Variants in PROK1 observed in about 807,000 individuals in gnomAD.
The protein encoded by PROK1 is prokineticin-1.
In PROK1, 10 loss-of-function variants were observed where a neutral mutation model predicts 8.8. That is an observed-to-expected ratio of 1.13 (90% CI 0.70 to 1.92). PROK1 has a LOEUF of 1.92. Among genes scored for constraint, PROK1 ranks in the 30% most tolerant of loss-of-function variants. PROK1 has a pLI of 0.00. For missense variants in PROK1, 140 were observed against 139.7 expected (o/e 1.00, Z -0.01); for synonymous variants, 57 against 56.0 (o/e 1.02, Z -0.08).
chr1:110,456,065 C>G (rs1664166881), intron 2 of PROK1, among the ~76,000 whole-genome samples, 167 bp from the exon 3 acceptor site: 1 of 152,200 alleles, frequency 6.6e-6, no homozygotes. Flanking sequence ...CACACCGTAC[C>G]TCGGTTTCCT....
Position 110,456,320 on chromosome 1 carries a change from G to C in PROK1, c.287G>C (p.Cys96Ser), listed in dbSNP as rs773601408. Reference sequence around the variant, plus strand: ...AGGTTCCCGGACGGCAGGTACCGCTGCTCCATGGACTTGAAGAACATCAAT... The same window carrying C: ...AGGTTCCCGGACGGCAGGTACCGCTCCTCCATGGACTTGAAGAACATCAAT... ...CSRFPDGRYR[C>S]SMDLKNINF Residue 96 changes from cysteine (C) to serine (S), a missense_variant, in exon 3 of 3, where the codon TGC becomes TCC. Transcript: ENST00000271331. The C allele has an allele frequency of 1.2e-6, 2 of 1,614,038 alleles. No homozygotes were observed. The highest frequency in any genetic ancestry group is 2.2e-5 in the South Asian group (2 of 91,080).
At chr1:110,456,150 C>T (rs1664168360) in intron 2 of PROK1, 82 bp from the exon 3 acceptor site, 1 of 1,513,622 alleles carries the variant, frequency 6.6e-7, no homozygotes, top group South Asian at 1.1e-5. Context: ...AGACTTTTGC[C>T]AGTGCTGGGC....
rs1306979754 is a variant in PROK1, at chr1:110,455,332, G to A, written c.199-900G>A. Among the ~76,000 whole-genome samples the A allele has an allele frequency of 2.6e-5, 4 of 152,268 alleles. No homozygotes were observed. The South Asian group carries it at 6.2e-4, about 24-fold the overall frequency. On this transcript the variant is annotated intron_variant, in intron 2 of 2. Coordinates refer to ENST00000271331, the MANE Select transcript of PROK1 (RefSeq NM_032414.3). ...ACTCAGGCATGTTTCCTGCTCTTCGGGGACTTGCCTGCACCCCGGCTCGGT... is the reference window on the plus strand; with the variant it reads ...ACTCAGGCATGTTTCCTGCTCTTCGAGGACTTGCCTGCACCCCGGCTCGGT...
Position 110,451,257 on chromosome 1 carries a change from T to C in PROK1, c.41T>C (p.Val14Ala). The change falls in exon 1 of 3, where the codon GTA (valine) becomes GCA (alanine). Residue 14 changes from valine to alanine, a missense_variant. Physicochemically the swap from Val to Ala is moderately conservative, Grantham distance 64 (BLOSUM62 0). Coordinates refer to ENST00000271331, the MANE Select transcript of PROK1 (RefSeq NM_032414.3). ...ATRVSIMLLL[V>A]TVSDCAVITG... ...CGAGTCTCAATCATGCTCCTCCTAG[T>C]AACTGTGTCTGACTGTGCTGTGATC... is the stretch of plus-strand genomic sequence containing the variant. The C allele has an allele frequency of 6.2e-7, 1 of 1,614,234 alleles. No individual in the cohort carries two copies. The highest frequency in any genetic ancestry group is 8.5e-7 in the Non-Finnish European group (1 of 1,180,042).
chr1:110,456,912 C>A lies in PROK1; in HGVS notation c.*561C>A. The A allele has an allele frequency of 5.5e-6, 1 of 180,926 alleles. No individual in the cohort carries two copies. Among genetic ancestry groups the A allele is most frequent in the Non-Finnish European group, 1.2e-5 (1 of 84,278 alleles). 11.2% of individuals were successfully genotyped at this position (180,926 alleles called of 1,614,324 possible). A position where few individuals can be genotyped will look rare whatever the true frequency, so the allele number is the denominator to read the frequency against. Reference sequence around the variant, plus strand: ...TTCCCAGAGGGCAGCAGACAGTCACCCCAAGGCAGGTGTAGGGAGCCCAGG... The same window carrying A: ...TTCCCAGAGGGCAGCAGACAGTCACACCAAGGCAGGTGTAGGGAGCCCAGG... On this transcript the variant is annotated 3_prime_UTR_variant, in exon 3 of 3. Transcript: ENST00000271331.
chr1:110,456,787 G>A lies in PROK1; in HGVS notation c.*436G>A. On this transcript the variant is annotated 3_prime_UTR_variant, in exon 3 of 3. Coordinates refer to ENST00000271331, the MANE Select transcript of PROK1 (RefSeq NM_032414.3). ...GTCCCAGGTCCTGGCCTGACCCTCA[G>A]GCCCTTCACGTGAGGTCTGTGAGGA... 1 of 285,130 alleles carries A rather than the reference G, an allele frequency of 3.5e-6. No individual in the cohort carries two copies. The highest frequency in any genetic ancestry group is 6.9e-6 in the Non-Finnish European group (1 of 145,032). The allele number at this position is 285,130 out of a possible 1,614,324, so 17.7% of individuals were successfully genotyped here.
intron 1 of PROK1, among the ~76,000 whole-genome samples, chr1:110,452,134 G>C (rs192422188): frequency 1.3e-5 from 2 of 152,276 alleles, no homozygotes; most frequent in Non-Finnish European, 2.9e-5. Flanking sequence ...AAAAGGTCGG[G>C]GAAGCAGGGA....
chr1:110,456,742 T>C lies in PROK1; in HGVS notation c.*391T>C. On this transcript the variant is annotated 3_prime_UTR_variant, in exon 3 of 3. Coordinates refer to ENST00000271331, the MANE Select transcript of PROK1 (RefSeq NM_032414.3). ...GAATTAGACATTCCTGGGCACAGGCTCTTGGGTGCATTGCTCAGAGTCCCA... is the reference window on the plus strand; with the variant it reads ...GAATTAGACATTCCTGGGCACAGGCCCTTGGGTGCATTGCTCAGAGTCCCA... 1 of 339,524 alleles carries C rather than the reference T, an allele frequency of 2.9e-6. No individual in the cohort carries two copies. The highest frequency in any genetic ancestry group is 2.5e-5 in the South Asian group (1 of 40,252). The allele number at this position is 339,524 out of a possible 1,614,324, so 21.0% of individuals were successfully genotyped here.
intron 2 of PROK1, among the ~76,000 whole-genome samples, chr1:110,454,699 G>A (rs942908380): frequency 3.3e-5 from 5 of 152,210 alleles, no homozygotes; most frequent in African/African-American, 7.2e-5. Flanking sequence ...CTAATTTGCT[G>A]TGTGGACTTG....
In PROK1 at chr1:110,456,653, C is replaced by T. The variant is rs1298073964; in HGVS notation, c.*302C>T. 4.8e-5 allele frequency: 20 copies of T among 419,712 alleles called. No homozygotes were observed. Among genetic ancestry groups the T allele is most frequent in the Admixed American group, 3.5e-5 (1 of 28,424 alleles). 26.0% of individuals were successfully genotyped at this position (419,712 alleles called of 1,614,324 possible). On this transcript the variant is annotated 3_prime_UTR_variant, in exon 3 of 3. Transcript: ENST00000271331. ...TGGCAGAAAGGACATTCCCCCTCCC[C>T]TCCCCAGGTGACCTGCTCTCTTTCC...
At position 110,457,198 on chromosome 1, in the gene PROK1, G is replaced by A. The variant is rs1192442470; in HGVS notation, c.*847G>A. 1 of 152,596 alleles carries A rather than the reference G, an allele frequency of 6.6e-6. No individual in the cohort carries two copies. The highest frequency in any genetic ancestry group is 1.5e-5 in the Non-Finnish European group (1 of 68,304). 9.5% of individuals were successfully genotyped at this position (152,596 alleles called of 1,614,324 possible). On this transcript the variant is annotated 3_prime_UTR_variant, in exon 3 of 3. Coordinates refer to ENST00000271331, the MANE Select transcript of PROK1 (RefSeq NM_032414.3). ...ACTCCTTTCCAAGGATCAGCCCTGA[G>A]AGCAGGTTGGTGACTTTGAGGAGGG...
intron 2 of PROK1, among the ~76,000 whole-genome samples, chr1:110,455,788 T>C (rs971273306): frequency 2.1e-4 from 32 of 152,214 alleles, no homozygotes; most frequent in African/African-American, 7.5e-4. Flanking sequence ...AACTTCTCCC[T>C]GAGGATACCC....
chr1:110,452,194 A>G (rs1303041310), intron 1 of PROK1, among the ~76,000 whole-genome samples: 1 of 152,242 alleles, frequency 6.6e-6, no homozygotes, highest in African/African-American at 2.4e-5. Context: ...GATAGTGGAA[A>G]TGTAGAGAAA....
At chr1:110,455,549 A>T (rs142841023) in intron 2 of PROK1, among the ~76,000 whole-genome samples, 4 of 152,356 alleles carry the variant, frequency 2.6e-5, no homozygotes, top group African/African-American at 9.6e-5. Flanking sequence ...GACAACAGTG[A>T]TAAAAAAACT....
intron 1 of PROK1, among the ~76,000 whole-genome samples, chr1:110,451,490 G>C (rs139634974): frequency 6.0e-4 from 92 of 152,312 alleles, no homozygotes; most frequent in African/African-American, 2.1e-3. Context: ...ATCTGCTTTT[G>C]AGAAGCTGTG....
chr1:110,456,236 C>T lies in PROK1; in HGVS notation c.203C>T (p.Pro68Leu). ...GTTGATTTCTTCTCTCCTTAGGTCC[C>T]CTTCTTCAGGAAACGCAAGCACCAC... ...EECHPGSHKV[P>L]FFRKRKHHTC... is the part of the protein sequence containing the mutation. The change falls in exon 3 of 3, where the codon CCC becomes CTC. Residue 68 changes from proline (P) to leucine (L), a missense_variant. Coordinates refer to ENST00000271331, the MANE Select transcript of PROK1 (RefSeq NM_032414.3). 6.2e-7 allele frequency: 1 copy of T among 1,612,760 alleles called. No homozygotes were observed. The highest frequency in any genetic ancestry group is 2.2e-5 in the East Asian group (1 of 44,868).
rs1249714522 is a variant in PROK1, at chr1:110,456,292, T to C, written c.259T>C (p.Ser87Pro). 2.5e-6 allele frequency: 4 copies of C among 1,613,960 alleles called. No homozygotes were observed. The highest frequency in any genetic ancestry group is 3.4e-6 in the Non-Finnish European group (4 of 1,180,006). ...TCCTTGCTTGCCCAACCTGCTGTGCTCCAGGTTCCCGGACGGCAGGTACCG... is the reference window on the plus strand; with the variant it reads ...TCCTTGCTTGCCCAACCTGCTGTGCCCCAGGTTCCCGGACGGCAGGTACCG... ...TCPCLPNLLC[S>P]RFPDGRYRCS... The change falls in exon 3 of 3, where the codon TCC becomes CCC. Residue 87 changes from serine (S) to proline (P), a missense_variant. Transcript: ENST00000271331.
intron 2 of PROK1, 97 bp downstream of exon 2, chr1:110,454,183 G>A: frequency 1.3e-6 from 2 of 1,481,602 alleles, no homozygotes; most frequent in South Asian, 2.6e-5. Flanking sequence ...AGGAAGGCTA[G>A]AGAGGCTGGC....
chr1:110,455,525 A>T (rs183952860), intron 2 of PROK1, among the ~76,000 whole-genome samples: 1 of 152,366 alleles, frequency 6.6e-6, no homozygotes, highest in East Asian at 1.9e-4. Context: ...CTCCAGATCC[A>T]TATTCCCAAT....
Sources: allele counts gnomAD v4.1 joint callset (sites outside exome capture counted in the v4.1 genomes callset), GRCh38; gene constraint gnomAD v4.1.1; transcripts MANE v1.5; gene names NCBI Gene and HGNC (gene_info 2026-07-23, HGNC 2026-07-21).